The following DDAH1 variants were observed in gnomAD, a reference collection of about 807,000 sequenced individuals.
The protein encoded by DDAH1 is N(G),N(G)-dimethylarginine dimethylaminohydrolase 1.
DDAH1 carries 19 observed loss-of-function variants against 28.8 expected under a neutral mutation model. The ratio of observed to expected loss-of-function variants is 0.66; its 90% CI spans 0.46 to 0.97. The LOEUF is 0.97. Among genes scored for constraint, DDAH1 ranks in the 50% least tolerant of loss-of-function variants. The pLI, the probability that DDAH1 is intolerant of heterozygous loss-of-function variation, is 0.00. For synonymous variants in DDAH1, 153 were observed against 154.4 expected, an observed-to-expected ratio of 0.99 and a Z score of 0.07; for missense variants, 326 against 375.9, an observed-to-expected ratio of 0.87 and a Z score of 1.10.
chr1:85,353,046 C>A (rs1218780736), intron 2 of DDAH1, among the ~76,000 whole-genome samples: 1 of 152,164 alleles, frequency 6.6e-6, no homozygotes, highest in Non-Finnish European at 1.5e-5. Context: ...TGAAACTACA[C>A]ATTCCATATA....
rs1229801604 is a variant in DDAH1 at position 85,465,052 on chromosome 1, G to A, written c.-7C>T. ...GGTGGCCGAGCCCGGCCATGGCTTC[G>A]GGAGGCTTAGGGGCGGCGGCGGCGG... On this transcript the variant is annotated 5_prime_UTR_variant, in exon 1 of 6. Coordinates refer to ENST00000284031, the MANE Select transcript of DDAH1 (RefSeq NM_012137.4). The A allele has an allele frequency of 9.3e-6, 12 of 1,289,616 alleles. No homozygotes were observed. In the Admixed American group the frequency reaches 1.3e-4, roughly 14 times the overall value. The allele number at this position is 1,289,616 out of a possible 1,614,324, so 79.9% of individuals were successfully genotyped here.
Position 85,378,623 on chromosome 1 carries a change from G to T in DDAH1, c.304-19776C>A, listed in dbSNP as rs182124054. On this transcript the variant is annotated intron_variant, in intron 1 of 5. Transcript: ENST00000284031. Reference sequence around the variant, plus strand: ...AGGTTTTCACCATGTTGCCCAGGCTGGTCTAGAATTCCTGAGCTCAAGTGA... The same window carrying T: ...AGGTTTTCACCATGTTGCCCAGGCTTGTCTAGAATTCCTGAGCTCAAGTGA... Among the ~76,000 whole-genome samples the T allele has an allele frequency of 1.1e-3, 166 of 152,218 alleles. 1 individual carries two copies. Among genetic ancestry groups the T allele is most frequent in the Non-Finnish European group, 1.9e-3 (129 of 68,012 alleles).
intron 1 of DDAH1, among the ~76,000 whole-genome samples, chr1:85,500,119 TTTCTTTC>T (rs768790135): frequency 2.0e-4 from 1 of 4,940 alleles, no homozygotes; most frequent in African/African-American, 2.8e-4. Context: ...TTTTCTTTTC[TTTCTTTC>T]TTTCTTTCTT....
At chr1:85,460,955 A>G (rs1461556712) in intron 1 of DDAH1, among the ~76,000 whole-genome samples, 1 of 152,186 alleles carries the variant, frequency 6.6e-6, no homozygotes, top group Non-Finnish European at 1.5e-5. Context: ...TTGACATTTA[A>G]ACATTGACTT....
intron 1 of DDAH1, among the ~76,000 whole-genome samples, chr1:85,393,122 T>C (rs1367356566): frequency 6.6e-6 from 1 of 152,202 alleles, no homozygotes; most frequent in African/African-American, 2.4e-5. Flanking sequence ...AAATATTTAT[T>C]TTGCACAAGA....
intron 1 of DDAH1, among the ~76,000 whole-genome samples, chr1:85,413,042 A>G (rs552479311): frequency 8.2e-4 from 125 of 152,322 alleles, no homozygotes; most frequent in Non-Finnish European, 1.6e-3. Context: ...TTGTTAATAT[A>G]TTCTAGAAAT....
At chr1:85,537,482 G>T (rs529524686) in intron 1 of DDAH1, among the ~76,000 whole-genome samples, 49 of 100,716 alleles carry the variant, frequency 4.9e-4, no homozygotes, top group African/African-American at 1.6e-3. Flanking sequence ...AAAAAAAAAA[G>T]ATTGCTATCA....
intron 1 of DDAH1, among the ~76,000 whole-genome samples, chr1:85,447,502 T>C (rs1158020122): frequency 6.6e-6 from 1 of 152,194 alleles, no homozygotes; most frequent in Non-Finnish European, 1.5e-5. Context: ...AGAGACTTCA[T>C]GTCCCTAATG....
chr1:85,488,642 C>T (rs1242059689), intron 2 of DDAH1, among the ~76,000 whole-genome samples: 1 of 152,152 alleles, frequency 6.6e-6, no homozygotes, highest in East Asian at 1.9e-4. Context: ...TTCTTTTTTA[C>T]AGTTGCACAG....
intron 4 of DDAH1, among the ~76,000 whole-genome samples, chr1:85,330,682 C>A (rs971212209): frequency 6.6e-6 from 1 of 152,174 alleles, no homozygotes; most frequent in Non-Finnish European, 1.5e-5. Context: ...GTTGCTGTTC[C>A]GAATGCCCTT....
intron 1 of DDAH1, among the ~76,000 whole-genome samples, chr1:85,519,332 G>A (rs1412755388): frequency 1.6e-4 from 24 of 152,036 alleles, no homozygotes; most frequent in African/African-American, 5.8e-4. Context: ...TCCTGACCTC[G>A]TGATCCGCCC....
At chr1:85,511,251 C>A (rs987325172) in intron 1 of DDAH1, among the ~76,000 whole-genome samples, 1 of 152,158 alleles carries the variant, frequency 6.6e-6, no homozygotes, top group Non-Finnish European at 1.5e-5. Flanking sequence ...TGAATGACTA[C>A]TGGGTAAATA....
intron 4 of DDAH1, among the ~76,000 whole-genome samples, chr1:85,344,434 G>A (rs1648710549): frequency 6.6e-6 from 1 of 152,152 alleles, no homozygotes; most frequent in Non-Finnish European, 1.5e-5. Flanking sequence ...CCAGCAGATG[G>A]CACAGTCCTG....
chr1:85,562,934 T>C (rs1659181154), intron 1 of DDAH1, among the ~76,000 whole-genome samples: 1 of 152,216 alleles, frequency 6.6e-6, no homozygotes, highest in Non-Finnish European at 1.5e-5. Flanking sequence ...GGAACAATGA[T>C]TTTCCTGCCT....
At chr1:85,383,240 T>A (rs79817777) in intron 1 of DDAH1, among the ~76,000 whole-genome samples, 13,657 of 152,244 alleles carry the variant, frequency 0.09, 932 homozygotes, top group South Asian at 0.18. Context: ...TCAAAGTATC[T>A]ACATTAACAG....
chr1:85,569,973 C>T (rs1659405916), intron 1 of DDAH1, among the ~76,000 whole-genome samples: 1 of 152,184 alleles, frequency 6.6e-6, no homozygotes, highest in South Asian at 2.1e-4. Context: ...GAATGTGACC[C>T]TCCCCTCCCA....
chr1:85,500,659 C>T (rs1262230781), intron 1 of DDAH1, among the ~76,000 whole-genome samples: 1 of 152,006 alleles, frequency 6.6e-6, no homozygotes, highest in African/African-American at 2.4e-5. Context: ...ATTTTCTGCC[C>T]CAATTTCTCT....
At position 85,557,492 on chromosome 1, in the gene DDAH1, T is replaced by G. The variant is rs539588918; in HGVS notation, c.-123+20492A>C. Among the ~76,000 whole-genome samples, 8 of 152,300 alleles carry G rather than the reference T, an allele frequency of 5.3e-5. No individual in the cohort carries two copies. In the South Asian group the frequency reaches 1.0e-3, roughly 20 times the overall value. On this transcript the variant is annotated intron_variant, in intron 1 of 6. Coordinates refer to the DDAH1 transcript ENST00000426972. ...TGTTCAAAGTTGGACAGCTCTTAAG[T>G]GAGAGAGCCAAAATTCAACAACAGA...
At chr1:85,418,168 C>CCAAA (rs1652968214) in intron 1 of DDAH1, among the ~76,000 whole-genome samples, 1 of 152,154 alleles carries the variant, frequency 6.6e-6, no homozygotes, top group Admixed American at 6.5e-5. Context: ...AGATCCAAGA[C>CCAAA]CAAACACAAA....
Sources: gnomAD v4.1 joint callset for allele counts (sites outside exome capture counted in the v4.1 genomes callset) on GRCh38, gnomAD v4.1.1 for gene constraint, MANE v1.5 for transcripts, NCBI Gene and HGNC (gene_info 2026-07-23, HGNC 2026-07-21) for gene names.